The following MAD1L1 variants were observed in gnomAD, a reference collection of about 807,000 sequenced individuals.
The protein encoded by MAD1L1 is mitotic spindle assembly checkpoint protein MAD1.
MAD1L1 carries 95 observed loss-of-function variants against 96.9 expected under a neutral mutation model. That is an observed-to-expected ratio of 0.98 (90% CI 0.83 to 1.16). The LOEUF (loss-of-function observed/expected upper bound fraction) is 1.16, where lower values mean the gene tolerates loss of function less well. Among genes scored for constraint, MAD1L1 ranks in the 50% most tolerant of loss-of-function variants. MAD1L1 has a pLI of 0.00. For synonymous variants in MAD1L1, 473 were observed against 396.6 expected, an observed-to-expected ratio of 1.19 and a Z score of -2.29; for missense variants, 1,007 against 954.4, an observed-to-expected ratio of 1.06 and a Z score of -0.73.
intron 13 of MAD1L1, among the ~76,000 whole-genome samples, chr7:2,009,501 G>A (rs1009222816): frequency 9.2e-5 from 14 of 152,202 alleles, no homozygotes; most frequent in Admixed American, 2.0e-4. Context: ...GTGACACAAC[G>A]TGAAGAAGCA....
rs535719078 is a variant in MAD1L1, at chr7:2,012,173, A to G, written c.1359+2329T>C. Among the ~76,000 whole-genome samples, 47 of 152,326 alleles carry G rather than the reference A, an allele frequency of 3.1e-4. No individual in the cohort carries two copies. In the South Asian group the frequency reaches 9.3e-3, roughly 30 times the overall value. ...CAAGCTGCCCGGCAAGGGGGCAAGC[A>G]CGGTGCCCAAACAGTGCCAGCATCT... On this transcript the variant is annotated intron_variant, in intron 13 of 18. Transcript: ENST00000265854.
intron 11 of MAD1L1, chr7:2,080,013 C>T (rs936136860): frequency 3.9e-5 from 12 of 304,322 alleles, no homozygotes; most frequent in African/African-American, 1.8e-4. Flanking sequence ...TCCGTGCGTC[C>T]GTCAACCCTG....
intron 18 of MAD1L1, among the ~76,000 whole-genome samples, chr7:1,859,943 A>AGATGT (rs1332654071): frequency 1.5e-5 from 2 of 129,202 alleles, no homozygotes; most frequent in African/African-American, 4.5e-5. Context: ...CTGTCTCCCT[A>AGATGT]GACGTGACAT....
intron 18 of MAD1L1, among the ~76,000 whole-genome samples, chr7:1,853,022 A>G (rs981909697): frequency 4.9e-4 from 75 of 152,360 alleles, no homozygotes; most frequent in African/African-American, 1.7e-3. Flanking sequence ...GCAGGACTCA[A>G]GGCTCAGGGT....
rs147047483 is a variant in MAD1L1, at chr7:2,207,750, G to A, written c.986+5462C>T. Among the ~76,000 whole-genome samples, 734 of 152,310 alleles carry A rather than the reference G, an allele frequency of 4.8e-3. 7 individuals are homozygous for A. Among genetic ancestry groups the A allele is most frequent in the African/African-American group, 0.017 (693 of 41,572 alleles). On this transcript the variant is annotated intron_variant, in intron 10 of 18. Transcript: ENST00000265854. ...TGAAACCCAAGGAGTGGGTAGCAGG[G>A]GCCTCGTTTAACAGCCTGTCAGTCA...
At chr7:2,081,614 G>A (rs539414919) in intron 11 of MAD1L1, among the ~76,000 whole-genome samples, 11 of 152,300 alleles carry the variant, frequency 7.2e-5, no homozygotes, top group Non-Finnish European at 1.0e-4. Flanking sequence ...TCACTCCCTC[G>A]ACCAGCCAGC....
chr7:2,090,042 G>T (rs1444770855), intron 11 of MAD1L1, among the ~76,000 whole-genome samples: 1 of 152,230 alleles, frequency 6.6e-6, no homozygotes. Flanking sequence ...AAGAGTGACA[G>T]GAAACGGCAG....
chr7:1,818,532 G>A (rs1476304667), intron 18 of MAD1L1, among the ~76,000 whole-genome samples: 1 of 152,084 alleles, frequency 6.6e-6, no homozygotes, highest in Non-Finnish European at 1.5e-5. Context: ...GCATGTGCCA[G>A]CACACCTGGC....
At chr7:1,942,609 C>A (rs1186765426) in intron 16 of MAD1L1, among the ~76,000 whole-genome samples, 1 of 152,142 alleles carries the variant, frequency 6.6e-6, no homozygotes, top group East Asian at 1.9e-4. Flanking sequence ...TTCAAACACA[C>A]AGGCAGCAAA....
chr7:1,978,476 C>T (rs1300164828), intron 15 of MAD1L1, among the ~76,000 whole-genome samples: 1 of 152,216 alleles, frequency 6.6e-6, no homozygotes, highest in African/African-American at 2.4e-5. Context: ...ACTCTCCTTC[C>T]CCTCCCCAGG....
At position 2,069,176 on chromosome 7, in the gene MAD1L1, T is replaced by A. The variant is rs772707778; in HGVS notation, c.1218+18A>T. ...CAGCTCCCTGCGACTCTGATCAAGA[T>A]GTAAGGGCATACATCACCTTGGTGA... On this transcript the variant is annotated intron_variant, in intron 12 of 18. Transcript: ENST00000265854. The A allele has an allele frequency of 6.4e-7, 1 of 1,566,886 alleles. No individual in the cohort carries two copies. Among genetic ancestry groups the A allele is most frequent in the South Asian group, 1.2e-5 (1 of 83,294 alleles).
In MAD1L1 at chr7:2,011,567, G is replaced by A. The variant is rs972430467; in HGVS notation, c.1359+2935C>T. Among the ~76,000 whole-genome samples, 9 of 152,176 alleles carry A rather than the reference G, an allele frequency of 5.9e-5. No individual in the cohort carries two copies. The South Asian group carries it at 1.7e-3, about 28-fold the overall frequency. On this transcript the variant is annotated intron_variant, in intron 13 of 18. Transcript: ENST00000265854. ...CAGGGAAAGGCAGGGCACAGGCTCC[G>A]CAGGTGACCTGGTCCCGCTGAGGCA...
chr7:2,076,656 T>C (rs1028815095), intron 11 of MAD1L1, among the ~76,000 whole-genome samples: 2 of 151,080 alleles, frequency 1.3e-5, no homozygotes, highest in Non-Finnish European at 3.0e-5. Context: ...ACAGCACAGT[T>C]AGCCTGCAGC....
chr7:2,198,937 G>A (rs916299921), intron 10 of MAD1L1, among the ~76,000 whole-genome samples: 1 of 151,992 alleles, frequency 6.6e-6, no homozygotes, highest in Non-Finnish European at 1.5e-5. Flanking sequence ...GGAAGCCGGC[G>A]ACCAGTCCAC....
intron 18 of MAD1L1, among the ~76,000 whole-genome samples, chr7:1,827,137 C>T (rs1342502724): frequency 3.4e-4 from 52 of 152,276 alleles, no homozygotes; most frequent in African/African-American, 8.4e-4. Context: ...CCGCCACGGG[C>T]GGCTCCAAGG....
chr7:1,825,781 G>C (rs1365999925), intron 18 of MAD1L1, among the ~76,000 whole-genome samples: 1 of 152,206 alleles, frequency 6.6e-6, no homozygotes, highest in Non-Finnish European at 1.5e-5. Context: ...TGATAAACCT[G>C]GGTAATGTGT....
chr7:1,854,454 G>A, intron 18 of MAD1L1: 2 of 438,206 alleles, frequency 4.6e-6, no homozygotes, highest in Non-Finnish European at 9.1e-6. Flanking sequence ...GGCCACAAGG[G>A]CAGGGTAAGG....
At chr7:2,108,632 G>A (rs1787215014) in intron 11 of MAD1L1, among the ~76,000 whole-genome samples, 1 of 152,214 alleles carries the variant, frequency 6.6e-6, no homozygotes, top group Admixed American at 6.5e-5. Flanking sequence ...GCCTTCCTCT[G>A]TAAACACTTG....
At chr7:1,823,084 G>T (rs1782212887) in intron 18 of MAD1L1, among the ~76,000 whole-genome samples, 1 of 151,970 alleles carries the variant, frequency 6.6e-6, no homozygotes, top group South Asian at 2.1e-4. Flanking sequence ...ACAGGCTAAA[G>T]AATAAACAAC....
Sources: allele counts gnomAD v4.1 joint callset (sites outside exome capture counted in the v4.1 genomes callset), GRCh38; gene constraint gnomAD v4.1.1; transcripts MANE v1.5; gene names NCBI Gene and HGNC (gene_info 2026-07-23, HGNC 2026-07-21).